Variants in TMEM132C observed in about 807,000 individuals in gnomAD.
TMEM132C encodes the protein transmembrane protein 132C, also known as protein phosphatase 1, regulatory subunit 152.
A neutral mutation model predicts 61.4 loss-of-function variants in TMEM132C; 29 were observed. The observed-to-expected ratio is 0.47, with a 90% CI of 0.35 to 0.64. The LOEUF (loss-of-function observed/expected upper bound fraction) is 0.64, where lower values mean the gene tolerates loss of function less well. Among genes scored for constraint, TMEM132C ranks in the 30% least tolerant of loss-of-function variants. The probability of loss-of-function intolerance (pLI) is 0.00; values close to 1 mark genes in which losing one functional copy is unlikely to be tolerated. For missense variants in TMEM132C, 1,408 were observed against 1,476.9 expected (o/e 0.95, Z 0.76); for synonymous variants, 656 against 633.1 (o/e 1.04, Z -0.54).
At chr12:128,390,158 A>G (rs1874716834) in intron 1 of TMEM132C, among the ~76,000 whole-genome samples, 1 of 152,150 alleles carries the variant, frequency 6.6e-6, no homozygotes, top group Non-Finnish European at 1.5e-5. Context: ...GGTGTGAGCC[A>G]CCACACCCGG....
chr12:128,291,408 C>T (rs562495923), intron 1 of TMEM132C, among the ~76,000 whole-genome samples: 1 of 152,340 alleles, frequency 6.6e-6, no homozygotes, highest in East Asian at 1.9e-4. Flanking sequence ...GTGCCCTTTT[C>T]CCCTGGATGG....
chr12:128,281,449 C>G (rs186081213), intron 1 of TMEM132C, among the ~76,000 whole-genome samples: 39 of 152,320 alleles, frequency 2.6e-4, no homozygotes, highest in African/African-American at 8.2e-4. Flanking sequence ...AGCATCAAAC[C>G]TCAGCTTCTG....
At chr12:128,662,837 T>G (rs1395501898) in intron 4 of TMEM132C, among the ~76,000 whole-genome samples, 5 of 152,160 alleles carry the variant, frequency 3.3e-5, no homozygotes, top group Non-Finnish European at 7.3e-5. Context: ...ACATTTTAGA[T>G]TAAGCTCACC....
intron 2 of TMEM132C, among the ~76,000 whole-genome samples, chr12:128,512,298 A>G (rs1191054593): frequency 6.6e-6 from 1 of 152,086 alleles, no homozygotes; most frequent in Non-Finnish European, 1.5e-5. Flanking sequence ...ATCTTTCTTT[A>G]TACAAATATA....
chr12:128,661,140 G>A (rs1448859048), intron 4 of TMEM132C, among the ~76,000 whole-genome samples: 1 of 152,138 alleles, frequency 6.6e-6, no homozygotes, highest in Admixed American at 6.5e-5. Flanking sequence ...GTCATGAAGG[G>A]CAGCCTGGAT....
At chr12:128,418,793 CA>C (rs1322384154) in intron 2 of TMEM132C, among the ~76,000 whole-genome samples, 1 of 152,202 alleles carries the variant, frequency 6.6e-6, no homozygotes, top group African/African-American at 2.4e-5. Context: ...AAGACATTTT[CA>C]AAGGCAAGGA....
chr12:128,281,696 A>G (rs1443388500), intron 1 of TMEM132C, among the ~76,000 whole-genome samples: 4 of 152,144 alleles, frequency 2.6e-5, no homozygotes, highest in African/African-American at 9.7e-5. Flanking sequence ...TTGGAGGGCA[A>G]GAGAAAGGAG....
At chr12:128,459,954 C>T (rs576095073) in intron 2 of TMEM132C, among the ~76,000 whole-genome samples, 3 of 151,702 alleles carry the variant, frequency 2.0e-5, no homozygotes, top group South Asian at 2.1e-4. Context: ...TTGGCACCTC[C>T]GAGTGGTATC....
intron 2 of TMEM132C, among the ~76,000 whole-genome samples, chr12:128,535,182 A>T (rs541090656): frequency 3.5e-4 from 54 of 152,178 alleles, no homozygotes; most frequent in Non-Finnish European, 6.0e-4. Context: ...GAATCATTTA[A>T]TGTAAGACTC....
intron 4 of TMEM132C, among the ~76,000 whole-genome samples, chr12:128,639,930 T>C (rs1954144865): frequency 6.6e-6 from 1 of 152,242 alleles, no homozygotes; most frequent in Admixed American, 6.5e-5. Context: ...GTCAGAATCT[T>C]AAGATGAATT....
At chr12:128,321,110 G>T (rs1328717974) in intron 1 of TMEM132C, among the ~76,000 whole-genome samples, 1 of 149,414 alleles carries the variant, frequency 6.7e-6, no homozygotes. Flanking sequence ...GAGGAGCTGA[G>T]GTCCCTGTCC....
intron 5 of TMEM132C, among the ~76,000 whole-genome samples, chr12:128,676,209 C>T (rs147509813): frequency 1.3e-5 from 2 of 152,244 alleles, no homozygotes; most frequent in East Asian, 3.9e-4. Context: ...CTTAGCATTG[C>T]CCTGTCTTTT....
At chr12:128,319,967 G>T (rs537370910) in intron 1 of TMEM132C, among the ~76,000 whole-genome samples, 21 of 152,052 alleles carry the variant, frequency 1.4e-4, no homozygotes, top group Non-Finnish European at 2.9e-4. Context: ...AATTGTTGGC[G>T]GCAGTGTTTA....
At chr12:128,656,727 T>C (rs1057339181) in intron 4 of TMEM132C, among the ~76,000 whole-genome samples, 12 of 152,186 alleles carry the variant, frequency 7.9e-5, no homozygotes, top group Admixed American at 3.3e-4. Flanking sequence ...TGAGAACCAC[T>C]GTGTTTGAAC....
intron 1 of TMEM132C, among the ~76,000 whole-genome samples, chr12:128,363,064 C>A (rs1026750648): frequency 1.3e-5 from 2 of 152,192 alleles, no homozygotes; most frequent in Non-Finnish European, 2.9e-5. Flanking sequence ...GCCTTCTTTA[C>A]GATTGAGCTA....
At chr12:128,532,432 A>G (rs2136137242) in intron 2 of TMEM132C, among the ~76,000 whole-genome samples, 1 of 152,086 alleles carries the variant, frequency 6.6e-6, no homozygotes, top group Non-Finnish European at 1.5e-5. Context: ...TGAGGTCAGG[A>G]GTTCAAGACC....
chr12:128,473,525 C>T lies in TMEM132C; in HGVS notation c.974+57905C>T, dbSNP rs573647615. On this transcript the variant is annotated intron_variant, in intron 2 of 8. Coordinates refer to ENST00000435159, the MANE Select transcript of TMEM132C (RefSeq NM_001136103.3). Reference sequence around the variant, plus strand: ...ACTCCAGCCTCCATCTTCATCTTCACTCCACCATCCATCTTCACTCCAGCA... The same window carrying T: ...ACTCCAGCCTCCATCTTCATCTTCATTCCACCATCCATCTTCACTCCAGCA... Among the ~76,000 whole-genome samples, 17 of 151,956 alleles carry T rather than the reference C, an allele frequency of 1.1e-4. No individual in the cohort carries two copies. In the East Asian group the frequency reaches 3.3e-3, roughly 29 times the overall value.
intron 1 of TMEM132C, among the ~76,000 whole-genome samples, chr12:128,369,029 G>A (rs918254082): frequency 6.6e-6 from 1 of 152,338 alleles, no homozygotes; most frequent in Non-Finnish European, 1.5e-5. Context: ...CTGAGAAGGT[G>A]TGAGTGGATG....
At chr12:128,551,177 G>A (rs1351124454) in intron 3 of TMEM132C, among the ~76,000 whole-genome samples, 3 of 151,292 alleles carry the variant, frequency 2.0e-5, no homozygotes, top group African/African-American at 7.4e-5. Context: ...GGCTTCTAAT[G>A]AACCCAAACT....
Sources: allele counts gnomAD v4.1 joint callset (sites outside exome capture counted in the v4.1 genomes callset), GRCh38; gene constraint gnomAD v4.1.1; transcripts MANE v1.5; gene names NCBI Gene and HGNC (gene_info 2026-07-23, HGNC 2026-07-21).